VAV1: variants seen among roughly 807,000 people sequenced by gnomAD.
VAV1 encodes vav guanine nucleotide exchange factor 1, also known as proto-oncogene vav.
In VAV1, 33 loss-of-function variants were observed where a neutral mutation model predicts 128.1. That is an observed-to-expected ratio of 0.26 (90% confidence interval 0.20 to 0.34). The LOEUF (loss-of-function observed/expected upper bound fraction) is 0.34, where lower values mean the gene tolerates loss of function less well. Ranked by LOEUF, VAV1 falls within the 10% of genes least tolerant of loss-of-function variation. VAV1 has a pLI of 1.00. For missense variants in VAV1, 715 were observed against 1,093.7 expected, an observed-to-expected ratio of 0.65 and a Z score of 4.88; for synonymous variants, 394 against 409.8, an observed-to-expected ratio of 0.96 and a Z score of 0.47.
At chr19:6,837,334 C>T (rs977038495) in intron 21 of VAV1, among the ~76,000 whole-genome samples, 1 of 152,196 alleles carries the variant, frequency 6.6e-6, no homozygotes, top group Non-Finnish European at 1.5e-5. Flanking sequence ...AGAAGGTGGG[C>T]CTGCCCCTTG....
At chr19:6,805,190 C>T (rs1257642224) in intron 1 of VAV1, among the ~76,000 whole-genome samples, 1 of 151,628 alleles carries the variant, frequency 6.6e-6, no homozygotes, top group Non-Finnish European at 1.5e-5. Context: ...TTTGGGAGGC[C>T]GAGGCGGATG....
At chr19:6,844,267 G>A (rs1183955505) in intron 22 of VAV1, among the ~76,000 whole-genome samples, 1 of 151,302 alleles carries the variant, frequency 6.6e-6, no homozygotes, top group Non-Finnish European at 1.5e-5. Flanking sequence ...TGCCCAGGCT[G>A]GAGCGCAATG....
In VAV1 at chr19:6,814,875, G is replaced by C. The variant is rs994639070; in HGVS notation, c.205-5827G>C. Among the ~76,000 whole-genome samples the C allele has an allele frequency of 2.6e-5, 4 of 151,454 alleles. No homozygotes were observed. In the East Asian group the frequency reaches 5.8e-4, roughly 22 times the overall value. The stretch of plus-strand genomic sequence containing the variant: ...ATCTCATTATTAAGTACAGTGTTTC[G>C]GTCTAGGTTTTCTGAAGACCTTCTT... On this transcript the variant is annotated intron_variant, in intron 1 of 26. Transcript: ENST00000602142.
intron 1 of VAV1, among the ~76,000 whole-genome samples, chr19:6,815,047 A>G (rs1971616159): frequency 6.6e-6 from 1 of 152,090 alleles, no homozygotes. Flanking sequence ...CAAAAAGAGA[A>G]CAGGTCTTGG....
rs1568299377 is a variant in VAV1, at chr19:6,814,709, T to TTTCTTTCTTTCC, written c.205-5982_205-5981insCTTCTTTCTTTC. 1.7e-4 allele frequency among the ~76,000 whole-genome samples: 24 copies of TTTCTTTCTTTCC among 138,234 alleles called. No individual in the cohort carries two copies. The East Asian group carries it at 4.6e-3, about 27-fold the overall frequency. 90.7% of individuals were successfully genotyped at this position (138,234 alleles called of 152,430 possible). On this transcript the variant is annotated intron_variant, in intron 1 of 26. Coordinates refer to ENST00000602142, the MANE Select transcript of VAV1 (RefSeq NM_005428.4). Reference sequence around the variant, plus strand: ...CTTTCTTTCTTTCTTTCTTTCTTTCTTTCTTTCTTTCTTTCTTTCTTTCCT... The same window carrying TTTCTTTCTTTCC: ...CTTTCTTTCTTTCTTTCTTTCTTTCTTTCTTTCTTTCCTTCTTTCTTTCTTTCTTTCTTTCCT...
intron 1 of VAV1, among the ~76,000 whole-genome samples, chr19:6,805,748 G>GTA (rs140416947): frequency 2.0e-4 from 30 of 150,988 alleles, no homozygotes; most frequent in East Asian, 1.9e-3. Flanking sequence ...ACACATATGT[G>GTA]TATATATATA....
chr19:6,783,817 C>T (rs775142821), intron 1 of VAV1, among the ~76,000 whole-genome samples: 9 of 151,798 alleles, frequency 5.9e-5, no homozygotes, highest in South Asian at 2.1e-4. Flanking sequence ...CATTTAACTA[C>T]GAGGGAGACT....
chr19:6,848,668 G>T (rs1212059955), intron 23 of VAV1, among the ~76,000 whole-genome samples: 2 of 151,974 alleles, frequency 1.3e-5, no homozygotes, highest in African/African-American at 4.8e-5. Flanking sequence ...CTCCCAAAGT[G>T]TTGGGATTAC....
At chr19:6,840,129 C>A (rs1439788473) in intron 21 of VAV1, among the ~76,000 whole-genome samples, 1 of 152,158 alleles carries the variant, frequency 6.6e-6, no homozygotes, top group Non-Finnish European at 1.5e-5. Flanking sequence ...CACCTATTCC[C>A]CTCTCCCAGC....
intron 1 of VAV1, among the ~76,000 whole-genome samples, chr19:6,776,827 G>A (rs1474503322): frequency 6.6e-6 from 1 of 151,886 alleles, no homozygotes; most frequent in Non-Finnish European, 1.5e-5. Context: ...GCATGATCTC[G>A]GCTCACTGCA....
intron 14 of VAV1, among the ~76,000 whole-genome samples, chr19:6,831,486 G>A (rs1972053711): frequency 1.3e-5 from 2 of 152,000 alleles, no homozygotes; most frequent in South Asian, 4.1e-4. Context: ...TAATTTTTTT[G>A]TATTTTTAGT....
rs576386654 is a variant in VAV1, at chr19:6,784,734, T to G, written c.204+11723T>G. 1.1e-4 allele frequency among the ~76,000 whole-genome samples: 17 copies of G among 152,256 alleles called. 1 individual carries two copies. The South Asian group carries it at 3.5e-3, about 32-fold the overall frequency. On this transcript the variant is annotated intron_variant, in intron 1 of 26. Transcript: ENST00000602142. ...GTCTCCAACTCCTGGCCTCAAGTGATCTACCCGCCTCGGCCTCCCAAAGTG... is the reference window on the plus strand; with the variant it reads ...GTCTCCAACTCCTGGCCTCAAGTGAGCTACCCGCCTCGGCCTCCCAAAGTG...
In VAV1 at chr19:6,821,785, C is replaced by T; in HGVS notation, c.381-6C>T. ...GCCCCTGGCTCACACCCTCCTGACC[C>T]CCCAGGCCCTTCCCCACCGAGGAGG... On this transcript the variant is annotated splice_region_variant and splice_polypyrimidine_tract_variant and intron_variant, in intron 3 of 26. Coordinates refer to ENST00000602142, the MANE Select transcript of VAV1 (RefSeq NM_005428.4). 1.9e-6 allele frequency: 3 copies of T among 1,614,208 alleles called. No individual in the cohort carries two copies. The highest frequency in any genetic ancestry group is 2.5e-6 in the Non-Finnish European group (3 of 1,180,028).
chr19:6,851,344 A>T (rs546110418), intron 24 of VAV1, among the ~76,000 whole-genome samples: 29 of 148,536 alleles, frequency 2.0e-4, no homozygotes, highest in Non-Finnish European at 3.2e-4. Context: ...GGCTAATTTT[A>T]AAAAAAAATT....
chr19:6,805,659 T>A (rs1180217586), intron 1 of VAV1, among the ~76,000 whole-genome samples: 1 of 151,182 alleles, frequency 6.6e-6, no homozygotes, highest in East Asian at 1.9e-4. Context: ...TCAGGATGAA[T>A]CAACCACATT....
chr19:6,830,136 G>A (rs957117994), intron 14 of VAV1, among the ~76,000 whole-genome samples: 1 of 152,156 alleles, frequency 6.6e-6, no homozygotes, highest in Admixed American at 6.5e-5. Flanking sequence ...TCGGCTCACC[G>A]CAACCTCCGC....
rs1324146050 is a variant in VAV1, at chr19:6,826,738, C to T, written c.927+27C>T. 13 of 1,512,880 alleles carry T rather than the reference C, an allele frequency of 8.6e-6. No individual in the cohort carries two copies. The Middle Eastern group carries it at 5.4e-4, about 63-fold the overall frequency. 93.7% of individuals were successfully genotyped at this position (1,512,880 alleles called of 1,614,324 possible). On this transcript the variant is annotated intron_variant, in intron 9 of 26. Coordinates refer to ENST00000602142, the MANE Select transcript of VAV1 (RefSeq NM_005428.4). This position sits in a 1 kb window ranked among gnomAD's most constrained non-coding sequence, Gnocchi z 4.1. ...TGGGCGCCGGGCCACTTCTCGGGGG[C>T]CTCTCCCGCTCCTCCCCAGGCCCTG...
At chr19:6,789,866 T>A (rs191625275) in intron 1 of VAV1, among the ~76,000 whole-genome samples, 120 of 152,186 alleles carry the variant, frequency 7.9e-4, no homozygotes, top group Non-Finnish European at 4.4e-5. Context: ...CCCAAAGTGC[T>A]GGATTACAGG....
intron 1 of VAV1, among the ~76,000 whole-genome samples, chr19:6,789,138 G>A (rs1167134301): frequency 6.6e-6 from 1 of 152,202 alleles, no homozygotes; most frequent in African/African-American, 2.4e-5. Context: ...GAGTGAGCTT[G>A]CTGTCTTGGG....
Sources: allele counts gnomAD v4.1 joint callset (sites outside exome capture counted in the v4.1 genomes callset), GRCh38; gene constraint gnomAD v4.1.1; non-coding constraint Gnocchi (gnomAD v3.1); transcripts MANE v1.5; gene names NCBI Gene and HGNC (gene_info 2026-07-23, HGNC 2026-07-21).